The following ATP6V0D2 variants were observed in gnomAD, a reference collection of about 807,000 sequenced individuals.
ATP6V0D2 encodes V-type proton ATPase subunit d 2.
In ATP6V0D2, 40 loss-of-function variants were observed where a neutral mutation model predicts 40.0. The ratio of observed to expected loss-of-function variants is 1.00; its 90% CI spans 0.78 to 1.30. The LOEUF is 1.30. Ranked by LOEUF, ATP6V0D2 falls within the 50% of genes most tolerant of loss-of-function variation. The pLI is 0.00. For missense variants in ATP6V0D2, 470 were observed against 423.1 expected, an observed-to-expected ratio of 1.11 and a Z score of -0.97; for synonymous variants, 179 against 156.3, an observed-to-expected ratio of 1.15 and a Z score of -1.08.
chr8:86,116,679 A>T (rs959295701), intron 2 of ATP6V0D2, among the ~76,000 whole-genome samples: 9 of 152,292 alleles, frequency 5.9e-5, no homozygotes, highest in African/African-American at 1.9e-4. Context: ...TCAGGGTGGT[A>T]TGGCCGTAGA....
intron 2 of ATP6V0D2, among the ~76,000 whole-genome samples, chr8:86,135,469 G>A (rs889926942): frequency 2.0e-5 from 3 of 152,168 alleles, no homozygotes; most frequent in African/African-American, 7.2e-5. Flanking sequence ...ACCCAACTCT[G>A]CTGCTTGCCA....
chr8:86,110,898 A>C (rs758902512), intron 1 of ATP6V0D2, among the ~76,000 whole-genome samples: 1 of 152,134 alleles, frequency 6.6e-6, no homozygotes, highest in Non-Finnish European at 1.5e-5. Context: ...CAGGCAGGTA[A>C]ATTTGGAAGC....
chr8:86,099,796 T>C (rs1818371311), intron 1 of ATP6V0D2, among the ~76,000 whole-genome samples: 1 of 152,164 alleles, frequency 6.6e-6, no homozygotes, highest in South Asian at 2.1e-4. Context: ...GCCTGCCAGA[T>C]TCTTATACAT....
At chr8:86,100,610 T>A (rs1818384407) in intron 1 of ATP6V0D2, among the ~76,000 whole-genome samples, 1 of 152,300 alleles carries the variant, frequency 6.6e-6, no homozygotes, top group South Asian at 2.1e-4. Context: ...CTAATTCTGT[T>A]GGCTACAAAT....
rs914149581 is a variant in ATP6V0D2 at position 86,109,134 on chromosome 8, T to C, written c.131-4575T>C. Among the ~76,000 whole-genome samples, 4 of 152,306 alleles carry C rather than the reference T, an allele frequency of 2.6e-5. No individual in the cohort carries two copies. The South Asian group carries it at 6.2e-4, about 24-fold the overall frequency. On this transcript the variant is annotated intron_variant, in intron 1 of 7. Transcript: ENST00000285393. ...TGCTCTGTGGGCGGCCCATTGTTTT[T>C]TAGTGGCTTGGGAGGTTCTGTCCCT...
Position 86,113,898 on chromosome 8 carries a change from GC to G in ATP6V0D2, c.302+21del. 1 of 1,600,032 alleles carries G rather than the reference GC, an allele frequency of 6.2e-7. No homozygotes were observed. The highest frequency in any genetic ancestry group is 8.5e-7 in the Non-Finnish European group (1 of 1,172,420). On this transcript the variant is annotated intron_variant, in intron 2 of 7. Coordinates refer to ENST00000285393, the MANE Select transcript of ATP6V0D2 (RefSeq NM_152565.1). ...TATATGACGTAAGTGATGACAGAAA[GC>G]CCTAATAAGCCCCAATGTACTCGTG...
At position 86,139,623 on chromosome 8, in the gene ATP6V0D2, G is replaced by A. The variant is rs201622171; in HGVS notation, c.469G>A (p.Glu157Lys). The A allele has an allele frequency of 5.4e-5, 86 of 1,596,276 alleles. No homozygotes were observed. Among genetic ancestry groups the A allele is most frequent in the South Asian group, 4.2e-4 (37 of 88,030 alleles). ...AGATCTCTTTAATGCCATTCTGATCGAAACGCCATTAGGTAGGAACACTTA... is the reference window on the plus strand; with the variant it reads ...AGATCTCTTTAATGCCATTCTGATCAAAACGCCATTAGGTAGGAACACTTA... ...PSDLFNAILI[E>K]TPLAPFFQDC... is the part of the protein sequence containing the mutation. Residue 157 changes from glutamate (E) to lysine (K), a missense_variant, in exon 3 of 8, where the codon GAA becomes AAA. Transcript: ENST00000285393.
At position 86,116,667 on chromosome 8, in the gene ATP6V0D2, G is replaced by T. The variant is rs192114409; in HGVS notation, c.302+2787G>T. On this transcript the variant is annotated intron_variant, in intron 2 of 7. Transcript: ENST00000285393. ...TACGAGATTAGACGAGATCAGGCAC[G>T]TTCAGGGTGGTATGGCCGTAGATCA... Among the ~76,000 whole-genome samples the T allele has an allele frequency of 2.6e-3, 393 of 152,222 alleles. 2 individuals carry two copies. The highest frequency in any genetic ancestry group is 4.6e-3 in the Non-Finnish European group (310 of 68,030).
At chr8:86,107,757 G>A (rs1452555209) in intron 1 of ATP6V0D2, among the ~76,000 whole-genome samples, 1 of 152,156 alleles carries the variant, frequency 6.6e-6, no homozygotes. Flanking sequence ...TTCAAAGATT[G>A]CTGCAGTAAT....
intron 1 of ATP6V0D2, among the ~76,000 whole-genome samples, chr8:86,101,031 C>T (rs1208945833): frequency 6.6e-6 from 1 of 151,460 alleles, no homozygotes; most frequent in African/African-American, 2.4e-5. Flanking sequence ...CCTGTAATCC[C>T]AGCTACTCAG....
chr8:86,124,424 G>T (rs1818712826), intron 2 of ATP6V0D2, among the ~76,000 whole-genome samples: 1 of 152,186 alleles, frequency 6.6e-6, no homozygotes, highest in Non-Finnish European at 1.5e-5. Flanking sequence ...CAATGGAAGA[G>T]TTACTTAAGA....
intron 1 of ATP6V0D2, among the ~76,000 whole-genome samples, chr8:86,099,553 G>A (rs564451284): frequency 6.6e-6 from 1 of 152,156 alleles, no homozygotes; most frequent in African/African-American, 2.4e-5. Context: ...AAGTATAGTG[G>A]CGTGATCTTG....
intron 2 of ATP6V0D2, among the ~76,000 whole-genome samples, chr8:86,126,197 A>T: frequency 7.2e-6 from 1 of 138,484 alleles, no homozygotes; most frequent in East Asian, 2.3e-4. Context: ...TCAGCCTCCC[A>T]AAGTGCTGGG....
intron 2 of ATP6V0D2, among the ~76,000 whole-genome samples, chr8:86,129,916 G>A (rs1168141771): frequency 6.7e-6 from 1 of 149,266 alleles, no homozygotes; most frequent in African/African-American, 2.5e-5. Context: ...GGTCGAGGCT[G>A]CAGTGGTCTG....
chr8:86,146,971 G>GA (rs2129641472), intron 5 of ATP6V0D2, among the ~76,000 whole-genome samples: 1 of 150,176 alleles, frequency 6.7e-6, no homozygotes, highest in East Asian at 2.0e-4. Context: ...GCTTACATGT[G>GA]AAAATTTGAC....
chr8:86,139,713 C>A (rs1489737185), intron 3 of ATP6V0D2, 78 bp downstream of exon 3: 8 of 1,431,960 alleles, frequency 5.6e-6, no homozygotes, highest in African/African-American at 1.4e-5. Context: ...TTTTTTCTTC[C>A]CTGTGGTCCA....
chr8:86,140,831 G>C (rs566409569), intron 3 of ATP6V0D2, among the ~76,000 whole-genome samples: 4 of 151,990 alleles, frequency 2.6e-5, no homozygotes, highest in Non-Finnish European at 5.9e-5. Flanking sequence ...CATTTATTGC[G>C]CACATTATTT....
At chr8:86,109,296 G>A (rs1818505897) in intron 1 of ATP6V0D2, among the ~76,000 whole-genome samples, 1 of 152,076 alleles carries the variant, frequency 6.6e-6, no homozygotes, top group Admixed American at 6.6e-5. Context: ...TTAGGGAAAT[G>A]TAGGAAAAAA....
At chr8:86,123,813 T>C (rs1404044836) in intron 2 of ATP6V0D2, among the ~76,000 whole-genome samples, 2 of 152,182 alleles carry the variant, frequency 1.3e-5, no homozygotes, top group Non-Finnish European at 2.9e-5. Context: ...ATGCCTATAC[T>C]CTTTTTCTAT....
Sources: allele counts gnomAD v4.1 joint callset (sites outside exome capture counted in the v4.1 genomes callset), GRCh38; gene constraint gnomAD v4.1.1; transcripts MANE v1.5; gene names NCBI Gene and HGNC (gene_info 2026-07-23, HGNC 2026-07-21).